EYS: variants seen among roughly 807,000 people sequenced by gnomAD.
EYS encodes the protein protein eyes shut homolog.
Under a neutral mutation model 282.1 loss-of-function variants are expected in EYS, and 250 were observed. That is an observed-to-expected ratio of 0.89 (90% CI 0.80 to 0.98). The LOEUF (loss-of-function observed/expected upper bound fraction) is 0.98, where lower values mean the gene tolerates loss of function less well. Among genes scored for constraint, EYS ranks in the 50% least tolerant of loss-of-function variants. The pLI, the probability that EYS is intolerant of heterozygous loss-of-function variation, is 0.00. For synonymous variants in EYS, 1,355 were observed against 1,282.9 expected (o/e 1.06, Z -1.20); for missense variants, 4,016 against 3,709.0 (o/e 1.08, Z -2.15).
intron 12 of EYS, among the ~76,000 whole-genome samples, chr6:65,064,300 C>G (rs1378099868): frequency 7.1e-6 from 1 of 140,188 alleles, no homozygotes; most frequent in Non-Finnish European, 1.5e-5. Context: ...TACTATTCTT[C>G]TCTTTATTTT....
At chr6:65,367,686 A>G (rs1466911) in intron 8 of EYS, among the ~76,000 whole-genome samples, 32,263 of 151,588 alleles carry the variant, frequency 0.21, 4,051 homozygotes, top group Non-Finnish European at 0.27. Context: ...CTTGTAAATG[A>G]ATAATAGCAT....
chr6:64,894,581 G>C (rs1767394521), intron 18 of EYS, among the ~76,000 whole-genome samples: 1 of 152,082 alleles, frequency 6.6e-6, no homozygotes, highest in Admixed American at 6.6e-5. Context: ...CAAAACCTAA[G>C]TTATGTCACA....
At chr6:64,335,144 AG>A (rs1293696267) in intron 29 of EYS, among the ~76,000 whole-genome samples, 8 of 152,122 alleles carry the variant, frequency 5.3e-5, no homozygotes, top group African/African-American at 9.7e-5. Flanking sequence ...TCGAGCACAA[AG>A]GGGGGAATAA....
At chr6:65,441,698 G>A (rs1252291437) in intron 5 of EYS, among the ~76,000 whole-genome samples, 1 of 151,928 alleles carries the variant, frequency 6.6e-6, no homozygotes, top group African/African-American at 2.4e-5. Flanking sequence ...CTACAAAATA[G>A]GTAAAGTAAG....
intron 29 of EYS, among the ~76,000 whole-genome samples, chr6:64,380,080 C>A (rs1312611977): frequency 6.7e-6 from 1 of 149,914 alleles, no homozygotes; most frequent in East Asian, 2.0e-4. Context: ...AGATTTTCCC[C>A]CATGTAGCAA....
chr6:63,846,453 G>A (rs184565870), intron 36 of EYS, among the ~76,000 whole-genome samples: 3 of 152,166 alleles, frequency 2.0e-5, no homozygotes, highest in East Asian at 1.9e-4. Context: ...ATTTCAAGTT[G>A]GTTTAATACA....
intron 22 of EYS, among the ~76,000 whole-genome samples, chr6:64,724,037 C>T (rs576963411): frequency 6.6e-6 from 1 of 151,988 alleles, no homozygotes; most frequent in South Asian, 2.1e-4. Flanking sequence ...GTTTGAGACT[C>T]TTAATGTCTC....
intron 2 of EYS, among the ~76,000 whole-genome samples, chr6:65,618,469 G>A (rs1335406797): frequency 6.6e-6 from 1 of 152,190 alleles, no homozygotes; most frequent in African/African-American, 2.4e-5. Flanking sequence ...TGTCAGATGA[G>A]TAGGTTGCAA....
chr6:65,128,086 C>T (rs1282833698), intron 12 of EYS, among the ~76,000 whole-genome samples: 1 of 151,926 alleles, frequency 6.6e-6, no homozygotes, highest in Non-Finnish European at 1.5e-5. Context: ...CATGGTCAAA[C>T]TATTAAGAGA....
At chr6:65,000,905 A>G (rs749363081) in intron 13 of EYS, among the ~76,000 whole-genome samples, 1 of 152,202 alleles carries the variant, frequency 6.6e-6, no homozygotes, top group African/African-American at 2.4e-5. Flanking sequence ...AATAAATACT[A>G]TTGACATGCT....
chr6:65,588,384 G>A (rs1765125362), intron 2 of EYS, among the ~76,000 whole-genome samples: 1 of 151,924 alleles, frequency 6.6e-6, no homozygotes, highest in Non-Finnish European at 1.5e-5. Context: ...CTCCAGATGT[G>A]GGCCTGTCAT....
chr6:64,241,798 T>G (rs994179849), intron 30 of EYS, among the ~76,000 whole-genome samples: 1 of 151,990 alleles, frequency 6.6e-6, no homozygotes, highest in African/African-American at 2.4e-5. Flanking sequence ...GGTGTCAATT[T>G]TAGATCTTTC....
intron 19 of EYS, among the ~76,000 whole-genome samples, chr6:64,828,161 G>C (rs1487081368): frequency 1.3e-5 from 2 of 151,798 alleles, no homozygotes; most frequent in African/African-American, 2.4e-5. Context: ...ACATAGGAAA[G>C]AACCAATGAA....
At chr6:65,302,944 A>G in intron 11 of EYS, 1 of 1,612,734 alleles carries the variant, frequency 6.2e-7, no homozygotes, top group South Asian at 1.1e-5. Context: ...TTATGAAAGT[A>G]GAAAGTTCCG....
chr6:64,551,080 T>A (rs552969253), intron 26 of EYS, among the ~76,000 whole-genome samples: 1 of 151,430 alleles, frequency 6.6e-6, no homozygotes, highest in Non-Finnish European at 1.5e-5. Flanking sequence ...TATTTTGAAT[T>A]TGGAAAATAA....
At chr6:64,267,488 C>T (rs932072221) in intron 30 of EYS, among the ~76,000 whole-genome samples, 2 of 152,008 alleles carry the variant, frequency 1.3e-5, no homozygotes, top group African/African-American at 4.8e-5. Flanking sequence ...CTTCATTCTT[C>T]CTGCTAGCAT....
chr6:64,372,130 GTTTTTT>G (rs201498090), intron 29 of EYS, among the ~76,000 whole-genome samples: 8 of 97,712 alleles, frequency 8.2e-5, no homozygotes, highest in African/African-American at 3.8e-4. Flanking sequence ...GTATACTTGT[GTTTTTT>G]TTTTTTTTTT....
chr6:65,354,798 G>A (rs1286846161), intron 8 of EYS, among the ~76,000 whole-genome samples: 1 of 150,966 alleles, frequency 6.6e-6, no homozygotes, highest in Non-Finnish European at 1.5e-5. Flanking sequence ...CTCCAGCCTG[G>A]GCTACAGAAT....
In EYS at chr6:64,447,005, T is replaced by C. The variant is rs2150473554; in HGVS notation, c.5645-7653A>G. On this transcript the variant is annotated intron_variant, in intron 26 of 42. Coordinates refer to ENST00000503581, the MANE Select transcript of EYS (RefSeq NM_001142800.2). ...TGTGTGTGGGGGGGGGGTGCTCATGTACATTTGCAACTTTTTCTGTTAAGT... is the reference window on the plus strand; with the variant it reads ...TGTGTGTGGGGGGGGGGTGCTCATGCACATTTGCAACTTTTTCTGTTAAGT... Among the ~76,000 whole-genome samples the C allele has an allele frequency of 2.0e-5, 3 of 151,824 alleles. No individual in the cohort carries two copies. The Middle Eastern group carries it at 0.01, about 516-fold the overall frequency.
Sources: allele counts gnomAD v4.1 joint callset (sites outside exome capture counted in the v4.1 genomes callset), GRCh38; gene constraint gnomAD v4.1.1; transcripts MANE v1.5; gene names NCBI Gene and HGNC (gene_info 2026-07-23, HGNC 2026-07-21).